OSBPL10: variants seen among roughly 807,000 people sequenced by gnomAD.
OSBPL10 encodes the protein oxysterol-binding protein-related protein 10.
Under a neutral mutation model 81.7 loss-of-function variants are expected in OSBPL10, and 49 were observed. The ratio of observed to expected loss-of-function variants is 0.60; its 90% confidence interval spans 0.48 to 0.76. The LOEUF (loss-of-function observed/expected upper bound fraction) is 0.76, where lower values mean the gene tolerates loss of function less well. OSBPL10 is among the 30% of genes least tolerant of loss of function. OSBPL10 has a pLI of 0.00. For missense variants in OSBPL10, 923 were observed against 987.8 expected, an observed-to-expected ratio of 0.93 and a Z score of 0.88; for synonymous variants, 419 against 383.6, an observed-to-expected ratio of 1.09 and a Z score of -1.08.
chr3:31,916,339 C>T (rs566768973), intron 1 of OSBPL10, among the ~76,000 whole-genome samples: 4 of 152,248 alleles, frequency 2.6e-5, no homozygotes, highest in African/African-American at 4.8e-5. Flanking sequence ...TCTAAAGTCA[C>T]GTAAAATGTT....
intron 2 of OSBPL10, among the ~76,000 whole-genome samples, chr3:32,032,669 A>C (rs1039963924): frequency 1.3e-5 from 2 of 152,178 alleles, no homozygotes; most frequent in African/African-American, 2.4e-5. Context: ...AGAATATGAG[A>C]ATTACTACAT....
At chr3:31,764,369 G>A (rs756490506) in intron 4 of OSBPL10, among the ~76,000 whole-genome samples, 1 of 152,190 alleles carries the variant, frequency 6.6e-6, no homozygotes, top group Non-Finnish European at 1.5e-5. Context: ...CTTATTCAAA[G>A]GAGATGCCTG....
intron 2 of OSBPL10, among the ~76,000 whole-genome samples, chr3:32,025,942 C>T (rs1699401640): frequency 6.6e-6 from 1 of 151,980 alleles, no homozygotes; most frequent in Non-Finnish European, 1.5e-5. Context: ...CTCAGACCTG[C>T]TCTGGTCTTT....
chr3:31,829,447 C>A (rs985902258), intron 4 of OSBPL10, among the ~76,000 whole-genome samples: 1 of 152,204 alleles, frequency 6.6e-6, no homozygotes, highest in Non-Finnish European at 1.5e-5. Context: ...CACAAATGAT[C>A]CTATTTCCCC....
chr3:31,833,831 G>T (rs746881468), intron 3 of OSBPL10, among the ~76,000 whole-genome samples: 1 of 152,094 alleles, frequency 6.6e-6, no homozygotes, highest in African/African-American at 2.4e-5. Context: ...GCCTGTAGCA[G>T]TATCACCATG....
chr3:32,056,538 C>T (rs977868457), intron 1 of OSBPL10, among the ~76,000 whole-genome samples: 1 of 152,288 alleles, frequency 6.6e-6, no homozygotes, highest in East Asian at 1.9e-4. Context: ...TTTAATCTTC[C>T]AGATGTCACC....
chr3:31,953,048 C>T (rs2125448256), intron 1 of OSBPL10, among the ~76,000 whole-genome samples: 1 of 151,296 alleles, frequency 6.6e-6, no homozygotes, highest in East Asian at 2.0e-4. Flanking sequence ...TGCTCCGCCT[C>T]AGCCTCCTGA....
chr3:31,666,781 A>G (rs1317401843), intron 10 of OSBPL10, among the ~76,000 whole-genome samples: 1 of 152,250 alleles, frequency 6.6e-6, no homozygotes, highest in African/African-American at 2.4e-5. Flanking sequence ...GATTAATAAA[A>G]TAGAACAATT....
chr3:31,663,450 AATCCCTCCACAACTTCAAG>A (rs1700114224), intron 11 of OSBPL10: 1 of 987,848 alleles, frequency 1.0e-6, no homozygotes. Context: ...AGTGCTTCCC[AATCCCTCCACAACTTCAAG>A]AGCATAAGGG....
intron 3 of OSBPL10, among the ~76,000 whole-genome samples, chr3:31,849,722 C>T (rs574579387): frequency 6.6e-6 from 1 of 152,296 alleles, no homozygotes; most frequent in South Asian, 2.1e-4. Flanking sequence ...CATACATATA[C>T]ACAAACACTG....
At chr3:31,862,797 G>A (rs1701091950) in intron 3 of OSBPL10, among the ~76,000 whole-genome samples, 1 of 152,152 alleles carries the variant, frequency 6.6e-6, no homozygotes, top group Non-Finnish European at 1.5e-5. Context: ...GGAAAAATTG[G>A]AACCCTATAC....
At chr3:31,793,594 C>G (rs908196327) in intron 4 of OSBPL10, among the ~76,000 whole-genome samples, 3 of 152,142 alleles carry the variant, frequency 2.0e-5, no homozygotes, top group Non-Finnish European at 2.9e-5. Context: ...AAGATGAGCT[C>G]AACAAATGTG....
intron 1 of OSBPL10, among the ~76,000 whole-genome samples, chr3:31,979,227 G>C (rs1698763628): frequency 6.6e-6 from 1 of 152,042 alleles, no homozygotes; most frequent in African/African-American, 2.4e-5. Flanking sequence ...AATTGAAAGG[G>C]GAAGGGAGAG....
rs58479197 is a variant in OSBPL10, at chr3:31,898,006, CAAAAAAAAAAAAAAAAAAAA to C, written c.282-18196_282-18177del. On this transcript the variant is annotated intron_variant, in intron 1 of 11. Coordinates refer to ENST00000396556, the MANE Select transcript of OSBPL10 (RefSeq NM_017784.5). ...TTGGGTGACACAGCGAGAACTCTGTCAAAAAAAAAAAAAAAAAAAAAAAAAAAAAAACAGAAGAAGAAGAG... is the reference window on the plus strand; with the variant it reads ...TTGGGTGACACAGCGAGAACTCTGTCAAAAAAAAAAACAGAAGAAGAAGAG... Among the ~76,000 whole-genome samples, 7 of 62,480 alleles carry C rather than the reference CAAAAAAAAAAAAAAAAAAAA, an allele frequency of 1.1e-4. 1 individual carries two copies. The South Asian group carries it at 2.6e-3, about 23-fold the overall frequency. 41.0% of individuals were successfully genotyped at this position (62,480 alleles called of 152,430 possible).
rs1553647647 is a variant in OSBPL10 at position 31,993,164 on chromosome 3, C to CTTACT, written n.298+53326_298+53327insAGTAA. On this transcript the variant is annotated intron_variant and non_coding_transcript_variant, in intron 2 of 3. Coordinates refer to the OSBPL10 transcript ENST00000479173. Reference sequence around the variant, plus strand: ...CCTCAAAATGCAGAAGTAAGAAAACCTTATTTTATTTTATTTTATTTTATT... The same window carrying CTTACT: ...CCTCAAAATGCAGAAGTAAGAAAACCTTACTTTATTTTATTTTATTTTATTTTATT... 1.0e-3 allele frequency among the ~76,000 whole-genome samples: 134 copies of CTTACT among 129,114 alleles called. 1 individual carries two copies. Among genetic ancestry groups the CTTACT allele is most frequent in the African/African-American group, 3.7e-3 (128 of 34,438 alleles). 84.7% of individuals were successfully genotyped at this position (129,114 alleles called of 152,430 possible). A position where few individuals can be genotyped will look rare whatever the true frequency, so the allele number is the denominator to read the frequency against.
chr3:32,076,173 T>C (rs1263756454), intron 1 of OSBPL10, among the ~76,000 whole-genome samples: 2 of 152,020 alleles, frequency 1.3e-5, no homozygotes, highest in Non-Finnish European at 2.9e-5. Flanking sequence ...ATCGAGACCA[T>C]CCTGGCTAAC....
intron 4 of OSBPL10, among the ~76,000 whole-genome samples, chr3:31,814,913 G>A (rs1271064244): frequency 6.6e-6 from 1 of 152,154 alleles, no homozygotes; most frequent in Non-Finnish European, 1.5e-5. Context: ...TGCCCCTGAG[G>A]ATATGATATG....
chr3:32,047,859 G>A (rs1453876115), intron 1 of OSBPL10, among the ~76,000 whole-genome samples: 1 of 152,002 alleles, frequency 6.6e-6, no homozygotes, highest in African/African-American at 2.4e-5. Flanking sequence ...TAGAGATGGG[G>A]TTTCACCATG....
chr3:31,945,832 G>GT (rs1285999876), intron 1 of OSBPL10, among the ~76,000 whole-genome samples: 1 of 152,154 alleles, frequency 6.6e-6, no homozygotes, highest in African/African-American at 2.4e-5. Context: ...TACGAATAAC[G>GT]TATCATGCAT....
Sources: gnomAD v4.1 joint callset for allele counts (sites outside exome capture counted in the v4.1 genomes callset) on GRCh38, gnomAD v4.1.1 for gene constraint, MANE v1.5 for transcripts, NCBI Gene and HGNC (gene_info 2026-07-23, HGNC 2026-07-21) for gene names.